The following PITPNC1 variants were observed in gnomAD, a reference collection of about 807,000 sequenced individuals.
The protein encoded by PITPNC1 is phosphatidylinositol transfer protein cytoplasmic 1.
A neutral mutation model predicts 44.7 loss-of-function variants in PITPNC1; 18 were observed. The ratio of observed to expected loss-of-function variants is 0.40; its 90% CI spans 0.28 to 0.60. The LOEUF (loss-of-function observed/expected upper bound fraction) is 0.60. Among genes scored for constraint, PITPNC1 ranks in the 20% least tolerant of loss-of-function variants. PITPNC1 has a pLI of 0.39. For missense variants in PITPNC1, 290 were observed against 418.4 expected, an observed-to-expected ratio of 0.69 and a Z score of 2.68; for synonymous variants, 141 against 149.6, an observed-to-expected ratio of 0.94 and a Z score of 0.42.
At chr17:67,610,686 G>T (rs2041676081) in intron 5 of PITPNC1, among the ~76,000 whole-genome samples, 2 of 152,092 alleles carry the variant, frequency 1.3e-5, no homozygotes, top group Admixed American at 1.3e-4. Flanking sequence ...ACTTTGGGAG[G>T]CCGAGGTGGG....
chr17:67,399,751 T>C (rs2038279255), intron 1 of PITPNC1, among the ~76,000 whole-genome samples: 1 of 152,232 alleles, frequency 6.6e-6, no homozygotes, highest in African/African-American at 2.4e-5. Flanking sequence ...TGATTTTTCT[T>C]TCATTTTACT....
chr17:67,494,082 G>C (rs571157739), intron 1 of PITPNC1, among the ~76,000 whole-genome samples: 1 of 152,068 alleles, frequency 6.6e-6, no homozygotes, highest in Non-Finnish European at 1.5e-5. Flanking sequence ...CTTATTATAC[G>C]ATACATATGG....
intron 1 of PITPNC1, among the ~76,000 whole-genome samples, chr17:67,412,120 A>T (rs2038508306): frequency 6.6e-6 from 1 of 152,226 alleles, no homozygotes. Context: ...AATAAGAAGC[A>T]TGAGATTCAG....
intron 1 of PITPNC1, among the ~76,000 whole-genome samples, chr17:67,424,625 C>T (rs756316801): frequency 2.0e-5 from 3 of 151,942 alleles, no homozygotes; most frequent in African/African-American, 4.8e-5. Flanking sequence ...CTACTGTGCT[C>T]CTGCTTGGGC....
intron 1 of PITPNC1, among the ~76,000 whole-genome samples, chr17:67,496,359 A>C (rs573280907): frequency 6.6e-6 from 1 of 152,328 alleles, no homozygotes; most frequent in East Asian, 1.9e-4. Flanking sequence ...TTAGTCTTCT[A>C]ACTACATTAT....
chr17:67,653,661 T>C (rs1046566565), intron 6 of PITPNC1, among the ~76,000 whole-genome samples: 5 of 152,242 alleles, frequency 3.3e-5, no homozygotes, highest in African/African-American at 1.2e-4. Context: ...TAGATTTCTT[T>C]CTCTGCATTA....
chr17:67,623,476 T>C (rs1299098336), intron 5 of PITPNC1, among the ~76,000 whole-genome samples: 1 of 152,036 alleles, frequency 6.6e-6, no homozygotes, highest in Non-Finnish European at 1.5e-5. Flanking sequence ...ACCTCCCGGG[T>C]TCAAACGATT....
chr17:67,497,218 ACCT>A (rs1246544729), intron 1 of PITPNC1, among the ~76,000 whole-genome samples: 5 of 144,296 alleles, frequency 3.5e-5, no homozygotes, highest in South Asian at 2.2e-4. Flanking sequence ...ATTATTATAA[ACCT>A]CCTTTTTTTT....
At chr17:67,684,292 T>C (rs1453043563) in intron 8 of PITPNC1, among the ~76,000 whole-genome samples, 1 of 151,860 alleles carries the variant, frequency 6.6e-6, no homozygotes, top group East Asian at 1.9e-4. Context: ...TTTCTATTTT[T>C]AGTAGAGACA....
At chr17:67,615,082 AG>A (rs1216801867) in intron 5 of PITPNC1, among the ~76,000 whole-genome samples, 1 of 152,052 alleles carries the variant, frequency 6.6e-6, no homozygotes, top group Non-Finnish European at 1.5e-5. Context: ...CCGTGCCTGG[AG>A]GGTTCCTTCT....
At chr17:67,609,445 A>G (rs1244599718) in intron 5 of PITPNC1, among the ~76,000 whole-genome samples, 1 of 151,408 alleles carries the variant, frequency 6.6e-6, no homozygotes, top group Non-Finnish European at 1.5e-5. Context: ...ATGCGCCACC[A>G]TGCCCGGCTA....
chr17:67,575,250 A>T (rs139745446), intron 4 of PITPNC1, among the ~76,000 whole-genome samples: 2 of 78,048 alleles, frequency 2.6e-5, no homozygotes, highest in African/African-American at 7.6e-5. Flanking sequence ...CCACGTTCTC[A>T]TGTCTGCTTT....
At chr17:67,649,939 G>T (rs1035966900) in intron 6 of PITPNC1, among the ~76,000 whole-genome samples, 7 of 151,994 alleles carry the variant, frequency 4.6e-5, no homozygotes, top group African/African-American at 1.7e-4. Context: ...GCCCCCTCTG[G>T]GTGTGCCATC....
At chr17:67,458,324 A>C (rs2039285037) in intron 1 of PITPNC1, among the ~76,000 whole-genome samples, 1 of 151,964 alleles carries the variant, frequency 6.6e-6, no homozygotes, top group Non-Finnish European at 1.5e-5. Flanking sequence ...ATGCATATGG[A>C]CCTTCTCATT....
At chr17:67,505,917 G>A (rs1254256242) in intron 1 of PITPNC1, among the ~76,000 whole-genome samples, 6 of 152,074 alleles carry the variant, frequency 3.9e-5, no homozygotes, top group South Asian at 2.1e-4. Flanking sequence ...GTGTTTCTTC[G>A]TATTTTTGGC....
chr17:67,603,085 A>G (rs911990844), intron 5 of PITPNC1, among the ~76,000 whole-genome samples: 11 of 152,190 alleles, frequency 7.2e-5, no homozygotes, highest in African/African-American at 2.6e-4. Context: ...CATTTGATCA[A>G]TCTGAGCAGT....
At chr17:67,399,046 G>C (rs1208163237) in intron 1 of PITPNC1, among the ~76,000 whole-genome samples, 9 of 133,808 alleles carry the variant, frequency 6.7e-5, no homozygotes, top group African/African-American at 2.4e-4. Flanking sequence ...ACGCAGTCGC[G>C]CTCTGTTTCC....
intron 1 of PITPNC1, among the ~76,000 whole-genome samples, chr17:67,424,709 G>A (rs562223182): frequency 3.6e-4 from 54 of 151,894 alleles, no homozygotes; most frequent in Admixed American, 2.0e-3. Flanking sequence ...GAGACAATTC[G>A]ACAATTCATG....
chr17:67,557,148 T>G (rs2040848981), intron 4 of PITPNC1, among the ~76,000 whole-genome samples: 1 of 152,154 alleles, frequency 6.6e-6, no homozygotes. Context: ...TGGTGAGGGC[T>G]GTCTTCCTGG....
Sources: gnomAD v4.1 joint callset for allele counts (sites outside exome capture counted in the v4.1 genomes callset) on GRCh38, gnomAD v4.1.1 for gene constraint, MANE v1.5 for transcripts, NCBI Gene and HGNC (gene_info 2026-07-23, HGNC 2026-07-21) for gene names.